KIRREL3: variants seen among roughly 807,000 people sequenced by gnomAD.
KIRREL3 encodes kin of IRRE-like protein 3.
Under a neutral mutation model 89.7 loss-of-function variants are expected in KIRREL3, and 36 were observed. That is an observed-to-expected ratio of 0.40 (90% CI 0.31 to 0.53). The LOEUF (loss-of-function observed/expected upper bound fraction) is 0.53. KIRREL3 is among the 20% of genes least tolerant of loss of function. The pLI is 0.49. For synonymous variants in KIRREL3, 445 were observed against 441.4 expected, an observed-to-expected ratio of 1.01 and a Z score of -0.10; for missense variants, 864 against 1,056.6, an observed-to-expected ratio of 0.82 and a Z score of 2.53.
At chr11:126,707,262 T>G (rs1947566055) in intron 1 of KIRREL3, among the ~76,000 whole-genome samples, 1 of 151,612 alleles carries the variant, frequency 6.6e-6, no homozygotes, top group Non-Finnish European at 1.5e-5. Flanking sequence ...TTTTTTTTTT[T>G]TTGGCTTTTG....
At chr11:126,510,110 T>C (rs1288624528) in intron 4 of KIRREL3, among the ~76,000 whole-genome samples, 6 of 151,564 alleles carry the variant, frequency 4.0e-5, no homozygotes, top group Non-Finnish European at 8.8e-5. Flanking sequence ...GCTGAAATTG[T>C]CTGGGCAGAG....
intron 1 of KIRREL3, among the ~76,000 whole-genome samples, chr11:126,973,434 T>A (rs1019976744): frequency 6.6e-6 from 1 of 152,172 alleles, no homozygotes; most frequent in Admixed American, 6.5e-5. Flanking sequence ...GGTCAACTAC[T>A]TGGAAGTGAT....
At chr11:126,493,833 C>T (rs2134345469) in intron 4 of KIRREL3, among the ~76,000 whole-genome samples, 2 of 152,092 alleles carry the variant, frequency 1.3e-5, no homozygotes, top group South Asian at 4.2e-4. Context: ...CTGCTTCATT[C>T]CTACTTCTCC....
In KIRREL3 at chr11:126,724,566, G is replaced by T. The variant is rs1157506660; in HGVS notation, c.56-161654C>A. Among the ~76,000 whole-genome samples the T allele has an allele frequency of 6.6e-6, 1 of 152,188 alleles. No homozygotes were observed. The highest frequency in any genetic ancestry group is 2.4e-5 in the African/African-American group (1 of 41,446). On this transcript the variant is annotated intron_variant, in intron 1 of 16. Transcript: ENST00000525144. The surrounding 1 kb of genome is among the most constrained non-coding windows in gnomAD (Gnocchi z 4.3). Reference sequence around the variant, plus strand: ...CATGAATTTCCAGCTGAAGCAACACGTTTCTGTCCCCAAGGGATGAAGAAG... The same window carrying T: ...CATGAATTTCCAGCTGAAGCAACACTTTTCTGTCCCCAAGGGATGAAGAAG...
At chr11:126,511,797 A>C (rs1043144177) in intron 4 of KIRREL3, among the ~76,000 whole-genome samples, 1 of 152,192 alleles carries the variant, frequency 6.6e-6, no homozygotes, top group Non-Finnish European at 1.5e-5. Flanking sequence ...TCATGCTGTA[A>C]TGGAGATTCA....
rs1300174378 is a variant in KIRREL3 at position 126,872,161 on chromosome 11, T to A, written c.55+128294A>T. 2.5e-4 allele frequency among the ~76,000 whole-genome samples: 38 copies of A among 152,334 alleles called. No individual in the cohort carries two copies. The highest frequency in any genetic ancestry group is 5.9e-5 in the Non-Finnish European group (4 of 68,030). On this transcript the variant is annotated intron_variant, in intron 1 of 16. Coordinates refer to ENST00000525144, the MANE Select transcript of KIRREL3 (RefSeq NM_032531.4). This position sits in a 1 kb window ranked among gnomAD's most constrained non-coding sequence, Gnocchi z 4.2. ...GACAGTGATGAAAGTGACCTCTAGT[T>A]GTCCTTACTGCTCATTAACATAAAA...
chr11:126,997,249 T>C lies in KIRREL3; in HGVS notation c.55+3206A>G, dbSNP rs1249501607. On this transcript the variant is annotated intron_variant, in intron 1 of 16. Transcript: ENST00000525144. The surrounding 1 kb of genome is among the most constrained non-coding windows in gnomAD (Gnocchi z 4.3). ...TTATGGATGACAAAAGAATCGATTA[T>C]TTTTTCACCCAGGGGCAGAACATGT... Among the ~76,000 whole-genome samples the C allele has an allele frequency of 6.6e-6, 1 of 152,206 alleles. No homozygotes were observed. Among genetic ancestry groups the C allele is most frequent in the Non-Finnish European group, 1.5e-5 (1 of 68,030 alleles).
chr11:126,473,862 C>T (rs999749933), intron 4 of KIRREL3, among the ~76,000 whole-genome samples: 1 of 152,192 alleles, frequency 6.6e-6, no homozygotes, highest in South Asian at 2.1e-4. Flanking sequence ...AGCATGATCT[C>T]GGCTCACTGC....
chr11:126,509,147 C>G (rs1317866781), intron 4 of KIRREL3, among the ~76,000 whole-genome samples: 1 of 152,194 alleles, frequency 6.6e-6, no homozygotes, highest in Non-Finnish European at 1.5e-5. Context: ...AGCATCTTAT[C>G]TCTGATGAAC....
intron 1 of KIRREL3, among the ~76,000 whole-genome samples, chr11:126,964,802 A>T (rs1012666157): frequency 3.3e-5 from 5 of 152,196 alleles, no homozygotes; most frequent in Non-Finnish European, 7.3e-5. Context: ...GAGGCTCAGG[A>T]GGTCAATATT....
chr11:126,889,002 G>T (rs1272319759), intron 1 of KIRREL3, among the ~76,000 whole-genome samples: 4 of 152,178 alleles, frequency 2.6e-5, no homozygotes, highest in Non-Finnish European at 5.9e-5. Context: ...ATAAATGGTG[G>T]AGCCAAGACT....
Position 126,550,385 on chromosome 11 carries a change from G to C in KIRREL3, c.133+12450C>G, listed in dbSNP as rs577611580. On this transcript the variant is annotated intron_variant, in intron 2 of 16. Transcript: ENST00000525144. This position sits in a 1 kb window ranked among gnomAD's most constrained non-coding sequence, Gnocchi z 4.9. ...GTTACGTTAAGAATATTAGTCGCAC[G>C]CCTGTAATCCCAGCACTTTGGGAGG... 1 of 152,190 alleles carries C rather than the reference G, an allele frequency of 6.6e-6. No individual in the cohort carries two copies. Among genetic ancestry groups the C allele is most frequent in the Non-Finnish European group, 1.5e-5 (1 of 68,068 alleles). The allele number at this position is 152,190 out of a possible 1,614,324, so 9.4% of individuals were successfully genotyped here.
rs1949820655 is a variant in KIRREL3, at chr11:126,766,268, T to C, written c.56-203356A>G. Among the ~76,000 whole-genome samples, 1 of 152,040 alleles carries C rather than the reference T, an allele frequency of 6.6e-6. No individual in the cohort carries two copies. Among genetic ancestry groups the C allele is most frequent in the Non-Finnish European group, 1.5e-5 (1 of 67,998 alleles). On this transcript the variant is annotated intron_variant, in intron 1 of 16. Coordinates refer to ENST00000525144, the MANE Select transcript of KIRREL3 (RefSeq NM_032531.4). This position sits in a 1 kb window ranked among gnomAD's most constrained non-coding sequence, Gnocchi z 4.2. ...GTAGGAGCCCATAACAGACAGCATG[T>C]CATCCATTCCTGACAGCCTTGGTGC...
chr11:126,546,136 C>T (rs779769402), intron 2 of KIRREL3, among the ~76,000 whole-genome samples: 3 of 152,202 alleles, frequency 2.0e-5, no homozygotes, highest in African/African-American at 4.8e-5. Flanking sequence ...CAGTGATTGG[C>T]ACATAGTAGA....
At chr11:126,532,263 A>ATC (rs1273658463) in intron 2 of KIRREL3, among the ~76,000 whole-genome samples, 1 of 152,138 alleles carries the variant, frequency 6.6e-6, no homozygotes, top group Non-Finnish European at 1.5e-5. Flanking sequence ...TCTCACCACT[A>ATC]TCCGATGTAG....
At chr11:126,956,458 A>G (rs540075011) in intron 1 of KIRREL3, among the ~76,000 whole-genome samples, 45 of 152,264 alleles carry the variant, frequency 3.0e-4, no homozygotes, top group African/African-American at 6.7e-4. Flanking sequence ...ATATGGTTCC[A>G]GGGGGAAACT....
chr11:126,716,297 C>A (rs1259344216), intron 1 of KIRREL3, among the ~76,000 whole-genome samples: 1 of 152,078 alleles, frequency 6.6e-6, no homozygotes, highest in Non-Finnish European at 1.5e-5. Context: ...GTATGGAGCA[C>A]CTGCTAGGTG....
intron 1 of KIRREL3, among the ~76,000 whole-genome samples, chr11:126,841,513 C>T (rs996250948): frequency 1.4e-4 from 22 of 152,206 alleles, no homozygotes; most frequent in Non-Finnish European, 2.5e-4. Flanking sequence ...TCTATGGCAC[C>T]ATAAGATTGC....
At chr11:126,582,432 T>C (rs1369041135) in intron 1 of KIRREL3, among the ~76,000 whole-genome samples, 1 of 152,220 alleles carries the variant, frequency 6.6e-6, no homozygotes, top group Non-Finnish European at 1.5e-5. Context: ...CCGGAAGCAA[T>C]AATCCAGACA....
Sources: gnomAD v4.1 joint callset for allele counts (sites outside exome capture counted in the v4.1 genomes callset) on GRCh38, gnomAD v4.1.1 for gene constraint, Gnocchi (gnomAD v3.1) non-coding constraint, MANE v1.5 for transcripts, NCBI Gene and HGNC (gene_info 2026-07-23, HGNC 2026-07-21) for gene names.